CUL3: variants seen among roughly 807,000 people sequenced by gnomAD.
CUL3 encodes cullin 3.
CUL3 carries 19 observed loss-of-function variants against 89.1 expected under a neutral mutation model. The observed-to-expected ratio is 0.21, with a 90% CI of 0.15 to 0.31. The LOEUF (loss-of-function observed/expected upper bound fraction) is 0.31. Among genes scored for constraint, CUL3 ranks in the 10% least tolerant of loss-of-function variants. The pLI is 1.00. For missense variants in CUL3, 469 were observed against 942.3 expected (o/e 0.50, Z 6.58); for synonymous variants, 351 against 308.4 (o/e 1.14, Z -1.45).
intron 13 of CUL3, among the ~76,000 whole-genome samples, chr2:224,486,128 A>G (rs2106160032): frequency 6.6e-6 from 1 of 152,364 alleles, no homozygotes; most frequent in African/African-American, 2.4e-5. Flanking sequence ...TCAAAGATCA[A>G]AGGTAGATAA....
Position 224,572,806 on chromosome 2 carries a change from C to T in CUL3, c.66+12138G>A, listed in dbSNP as rs139097596. On this transcript the variant is annotated intron_variant, in intron 1 of 15. Coordinates refer to ENST00000264414, the MANE Select transcript of CUL3 (RefSeq NM_003590.5). ...AGGATTCGTCCCCACCAAAGAATTC[C>T]GAGAGGACAATGCATCAAGACATCG... is the stretch of plus-strand genomic sequence containing the variant. Among the ~76,000 whole-genome samples the T allele has an allele frequency of 5.4e-3, 829 of 152,128 alleles. 6 individuals are homozygous for T. Among genetic ancestry groups the T allele is most frequent in the Non-Finnish European group, 7.3e-3 (499 of 67,998 alleles).
intron 3 of CUL3, among the ~76,000 whole-genome samples, chr2:224,535,304 G>C (rs1389904447): frequency 6.6e-6 from 1 of 152,124 alleles, no homozygotes; most frequent in Non-Finnish European, 1.5e-5. Context: ...CTCCCAAGTA[G>C]CTGGGATTAC....
chr2:224,498,151 T>C (rs1428370927), intron 11 of CUL3, among the ~76,000 whole-genome samples: 1 of 152,170 alleles, frequency 6.6e-6, no homozygotes, highest in African/African-American at 2.4e-5. Context: ...ACCACCTTTC[T>C]CCATAGTAAC....
rs1559332667 is a variant in CUL3, at chr2:224,474,016, C to T, written c.*229G>A. Reference sequence around the variant, plus strand: ...AAAACGCAGCACATTCACATTTTCCCGAGGAACTGTAAAGATGATCTCTAC... The same window carrying T: ...AAAACGCAGCACATTCACATTTTCCTGAGGAACTGTAAAGATGATCTCTAC... On this transcript the variant is annotated 3_prime_UTR_variant, in exon 16 of 16. Coordinates refer to ENST00000264414, the MANE Select transcript of CUL3 (RefSeq NM_003590.5). 5.8e-6 allele frequency: 2 copies of T among 342,280 alleles called. No homozygotes were observed. Among genetic ancestry groups the T allele is most frequent in the East Asian group, 4.3e-5 (1 of 23,508 alleles). 21.2% of individuals were successfully genotyped at this position (342,280 alleles called of 1,614,324 possible).
intron 2 of CUL3, among the ~76,000 whole-genome samples, chr2:224,557,202 T>C (rs1421911018): frequency 6.6e-6 from 1 of 152,130 alleles, no homozygotes; most frequent in Non-Finnish European, 1.5e-5. Context: ...CAATAATTTA[T>C]CTTTAAAAAA....
intron 1 of CUL3, 23 bp from the exon 2 acceptor site, chr2:224,557,879 G>GATAAAA: frequency 1.3e-5 from 1 of 75,154 alleles, no homozygotes; most frequent in Non-Finnish European, 2.2e-5. Flanking sequence ...AGAGAGAGAA[G>GATAAAA]AGACAAAAAA....
At chr2:224,509,180 C>T (rs7585047) in intron 6 of CUL3, among the ~76,000 whole-genome samples, 113,813 of 152,044 alleles carry the variant, frequency 0.75, 43,251 homozygotes, top group African/African-American at 0.9. Flanking sequence ...ATTTTGCCAC[C>T]AGGTTTCTAG....
At chr2:224,497,656 C>A in intron 12 of CUL3, 97 bp downstream of exon 12, 1 of 865,684 alleles carries the variant, frequency 1.2e-6, no homozygotes, top group Middle Eastern at 2.4e-4. Flanking sequence ...GGCAGAGAAA[C>A]AGAAGTAAGT....
rs1691135722 is a variant in CUL3, at chr2:224,471,664, TAAAG to T, written c.*2577_*2580del. The T allele has an allele frequency of 4.6e-6, 1 of 217,118 alleles. No homozygotes were observed. The highest frequency in any genetic ancestry group is 2.3e-5 in the African/African-American group (1 of 44,440). The allele number at this position is 217,118 out of a possible 1,614,324, so 13.4% of individuals were successfully genotyped here. A position where few individuals can be genotyped will look rare whatever the true frequency, so the allele number is the denominator to read the frequency against. ...CATTCCCTTTTTAAGTTCACTGACATAAAGAATCCTTGCAATCACAACCACTTTT... is the reference window on the plus strand; with the variant it reads ...CATTCCCTTTTTAAGTTCACTGACATAATCCTTGCAATCACAACCACTTTT... On this transcript the variant is annotated 3_prime_UTR_variant, in exon 16 of 16. Coordinates refer to ENST00000264414, the MANE Select transcript of CUL3 (RefSeq NM_003590.5).
chr2:224,551,309 C>A (rs1694507374), intron 2 of CUL3, among the ~76,000 whole-genome samples: 1 of 151,596 alleles, frequency 6.6e-6, no homozygotes, highest in East Asian at 1.9e-4. Flanking sequence ...GGGTTCACAC[C>A]ATTCTCCTGC....
chr2:224,470,492 A>G lies in CUL3; in HGVS notation c.*3753T>C, dbSNP rs558805673. ...CAATCTCTGTATCATTACCTGTTAA[A>G]TTTATCTGCCATTCTTAACGTCTCT... On this transcript the variant is annotated 3_prime_UTR_variant, in exon 16 of 16. Coordinates refer to ENST00000264414, the MANE Select transcript of CUL3 (RefSeq NM_003590.5). 259 of 226,734 alleles carry G rather than the reference A, an allele frequency of 1.1e-3. 6 individuals carry two copies. Among genetic ancestry groups the G allele is most frequent in the South Asian group, 1.3e-3 (7 of 5,214 alleles). The allele number at this position is 226,734 out of a possible 1,614,324, so 14.0% of individuals were successfully genotyped here.
chr2:224,581,412 G>A (rs1481436854), intron 1 of CUL3, among the ~76,000 whole-genome samples: 1 of 151,372 alleles, frequency 6.6e-6, no homozygotes, highest in Non-Finnish European at 1.5e-5. Flanking sequence ...AAAAAAAAGA[G>A]GTGATTATGT....
At position 224,535,595 on chromosome 2, in the gene CUL3, G is replaced by C. The variant is rs768929186; in HGVS notation, c.311C>G (p.Thr104Arg). The C allele has an allele frequency of 3.7e-6, 6 of 1,613,050 alleles. No individual in the cohort carries two copies. The highest frequency in any genetic ancestry group is 5.1e-6 in the Non-Finnish European group (6 of 1,179,474). The change falls in exon 3 of 16, where the codon ACG becomes AGG. Residue 104 changes from threonine (T) to arginine (R), a missense_variant. By Grantham distance (71) the Thr-to-Arg change is moderately conservative (BLOSUM62 -1). This residue lies in a region of CUL3 where 370 missense variants were observed against 733.2 expected (regional missense o/e 0.50). Transcript: ENST00000264414. ...LNSLNNNFLQ[T>R]LNQAWNDHQT... is the part of the protein sequence containing the mutation. ...ATGATCATTCCAAGCTTGATTTAGC[G>C]TTTGAAGAAAGTTGTTATTCAATGA... is the stretch of plus-strand genomic sequence containing the variant.
At chr2:224,573,693 A>G (rs1341698499) in intron 1 of CUL3, among the ~76,000 whole-genome samples, 2 of 152,212 alleles carry the variant, frequency 1.3e-5, no homozygotes, top group Non-Finnish European at 2.9e-5. Flanking sequence ...GTATAATGAA[A>G]ACAACATGAA....
chr2:224,530,479 T>C (rs1426304302), intron 3 of CUL3, among the ~76,000 whole-genome samples: 3 of 152,258 alleles, frequency 2.0e-5, no homozygotes, highest in Admixed American at 2.0e-4. Flanking sequence ...AGAAAAACTT[T>C]TTTGATTTCT....
chr2:224,569,666 A>T (rs2106319717), intron 1 of CUL3: 2 of 1,071,342 alleles, frequency 1.9e-6, no homozygotes, highest in Non-Finnish European at 1.1e-6. Flanking sequence ...ATTTGAAAGG[A>T]TGTCAGTCTA....
Position 224,558,859 on chromosome 2 carries a change from G to A in CUL3, c.67-1003C>T, listed in dbSNP as rs1344207646. Among the ~76,000 whole-genome samples, 2 of 150,076 alleles carry A rather than the reference G, an allele frequency of 1.3e-5. 1 individual carries two copies. Among genetic ancestry groups the A allele is most frequent in the Non-Finnish European group, 3.0e-5 (2 of 67,204 alleles). On this transcript the variant is annotated intron_variant, in intron 1 of 15. Transcript: ENST00000264414. ...AGATCGAGACCATCCTGGCTAATAC[G>A]GTCTCTACTAAATATACAAAAAATA...
intron 1 of CUL3, among the ~76,000 whole-genome samples, chr2:224,581,326 G>T (rs537413157): frequency 2.6e-5 from 4 of 151,410 alleles, no homozygotes; most frequent in African/African-American, 9.7e-5. Context: ...AACCCAGGAG[G>T]CGGAGGTTGC....
chr2:224,557,901 A>AAAAAAAC (rs1559221638), intron 1 of CUL3, 45 bp from the exon 2 acceptor site: 2 of 1,113,278 alleles, frequency 1.8e-6, no homozygotes, highest in East Asian at 2.6e-5. Context: ...AAAAAAAAAA[A>AAAAAAAC]AAAACCAATG....
Sources: gnomAD v4.1 joint callset for allele counts (sites outside exome capture counted in the v4.1 genomes callset) on GRCh38, gnomAD v4.1.1 for gene constraint, gnomAD v4.1.1 regional missense constraint, MANE v1.5 for transcripts, NCBI Gene and HGNC (gene_info 2026-07-23, HGNC 2026-07-21) for gene names.